TRHDE: variants seen among roughly 807,000 people sequenced by gnomAD.
TRHDE encodes the protein thyrotropin releasing hormone degrading enzyme.
In TRHDE, 72 loss-of-function variants were observed where a neutral mutation model predicts 125.7. The observed-to-expected ratio is 0.57, with a 90% CI of 0.47 to 0.70. The LOEUF is 0.70. TRHDE is among the 30% of genes least tolerant of loss of function. The pLI, the probability that TRHDE is intolerant of heterozygous loss-of-function variation, is 0.00. For missense variants in TRHDE, 1,110 were observed against 1,327.1 expected (o/e 0.84, Z 2.54); for synonymous variants, 509 against 509.1 (o/e 1.00, Z 0.00).
At chr12:72,618,147 T>C in intron 12 of TRHDE, among the ~76,000 whole-genome samples, 1 of 152,172 alleles carries the variant, frequency 6.6e-6, no homozygotes, top group East Asian at 1.9e-4. Context: ...ATAGTTCTTT[T>C]TGGCTCCTTT....
chr12:72,638,690 G>A (rs1027509758), intron 15 of TRHDE, among the ~76,000 whole-genome samples: 9 of 151,816 alleles, frequency 5.9e-5, no homozygotes, highest in African/African-American at 2.2e-4. Flanking sequence ...GCTCTTTTAG[G>A]GCAGGCCTGG....
intron 2 of TRHDE, among the ~76,000 whole-genome samples, chr12:72,373,730 GA>G (rs1047386055): frequency 6.6e-6 from 1 of 152,148 alleles, no homozygotes; most frequent in African/African-American, 2.4e-5. Context: ...CTATCTAGGG[GA>G]AAACTCAAAA....
intron 15 of TRHDE, among the ~76,000 whole-genome samples, chr12:72,640,370 C>T (rs1011355230): frequency 7.9e-5 from 12 of 152,224 alleles, no homozygotes; most frequent in Admixed American, 3.9e-4. Flanking sequence ...GGCTCGCGCA[C>T]GGTGCGTGCA....
chr12:72,088,203 C>A (rs1451794080), intron 1 of TRHDE, among the ~76,000 whole-genome samples: 1 of 152,076 alleles, frequency 6.6e-6, no homozygotes, highest in Non-Finnish European at 1.5e-5. Flanking sequence ...CAAATTAAAT[C>A]ATCTTCTAAG....
chr12:72,478,922 C>CAA (rs67346703), intron 5 of TRHDE, among the ~76,000 whole-genome samples: 1,129 of 106,000 alleles, frequency 0.011, 33 homozygotes, highest in East Asian at 0.021. Flanking sequence ...TTTTTTTTAG[C>CAA]AAAAAAAAAA....
chr12:72,178,446 A>G (rs1209016019), intron 2 of TRHDE, among the ~76,000 whole-genome samples: 13 of 152,134 alleles, frequency 8.5e-5, no homozygotes, highest in Non-Finnish European at 4.4e-5. Flanking sequence ...AATCTTGCGC[A>G]ATAGACCAAA....
At chr12:72,377,949 C>A in intron 2 of TRHDE, 46 bp from the exon 3 acceptor site, 1 of 1,377,792 alleles carries the variant, frequency 7.3e-7, no homozygotes, top group South Asian at 1.5e-5. Flanking sequence ...AGATAAAACT[C>A]AAGTGCTAAA....
chr12:72,512,474 A>T (rs1416610378), intron 6 of TRHDE, among the ~76,000 whole-genome samples: 2 of 139,462 alleles, frequency 1.4e-5, no homozygotes, highest in Admixed American at 1.5e-4. Flanking sequence ...TTATATAGTT[A>T]TAATTATATA....
chr12:72,214,951 T>C (rs1877854422), intron 2 of TRHDE, among the ~76,000 whole-genome samples: 3 of 152,324 alleles, frequency 2.0e-5, no homozygotes, highest in South Asian at 4.1e-4. Context: ...TCTTTTTCAC[T>C]TTTTAATTCC....
intron 1 of TRHDE, among the ~76,000 whole-genome samples, chr12:72,098,908 G>A (rs1022825668): frequency 6.6e-6 from 1 of 152,180 alleles, no homozygotes; most frequent in Admixed American, 6.5e-5. Flanking sequence ...GCTCACGTCT[G>A]TAATTCTAGC....
chr12:72,133,663 G>A (rs1444404060), intron 2 of TRHDE, among the ~76,000 whole-genome samples: 2 of 152,058 alleles, frequency 1.3e-5, no homozygotes, highest in African/African-American at 4.8e-5. Context: ...TCCATCACTG[G>A]GCCACTAGGT....
At chr12:72,360,206 C>A (rs1003483264) in intron 2 of TRHDE, among the ~76,000 whole-genome samples, 1 of 151,656 alleles carries the variant, frequency 6.6e-6, no homozygotes, top group South Asian at 2.1e-4. Context: ...TAAAAAGACC[C>A]AGAAAGTACA....
chr12:72,140,149 T>C (rs1304993947), intron 2 of TRHDE: 2 of 152,202 alleles, frequency 1.3e-5, no homozygotes, highest in Non-Finnish European at 2.9e-5. Context: ...AGAGAATTAA[T>C]AAAGAGTCTG....
At chr12:72,192,139 T>A (rs1422265923) in intron 2 of TRHDE, among the ~76,000 whole-genome samples, 1 of 152,110 alleles carries the variant, frequency 6.6e-6, no homozygotes, top group Non-Finnish European at 1.5e-5. Context: ...TCTTAGTGAT[T>A]TTATGTAATA....
chr12:72,628,140 C>T (rs1016018412), intron 15 of TRHDE, among the ~76,000 whole-genome samples: 31 of 151,968 alleles, frequency 2.0e-4, no homozygotes, highest in African/African-American at 7.5e-4. Flanking sequence ...CAATGATGAA[C>T]AAAAGAACAT....
chr12:72,520,109 G>T (rs1879107706), intron 6 of TRHDE, among the ~76,000 whole-genome samples: 1 of 152,226 alleles, frequency 6.6e-6, no homozygotes, highest in Non-Finnish European at 1.5e-5. Context: ...TCTGTGCCCT[G>T]CCCCCAGAGG....
intron 2 of TRHDE, among the ~76,000 whole-genome samples, chr12:72,370,774 G>A (rs1290624972): frequency 6.7e-6 from 1 of 149,412 alleles, no homozygotes; most frequent in Admixed American, 6.6e-5. Context: ...ATGGAGTCTT[G>A]CTCTGTCACC....
Position 72,258,812 on chromosome 12 carries a change from T to C in TRHDE, n.280-119183T>C, listed in dbSNP as rs1460262576. On this transcript the variant is annotated intron_variant and non_coding_transcript_variant, in intron 2 of 4. Coordinates refer to the TRHDE transcript ENST00000548156. ...ACATTTTCCAAGGTCAGTTATTCAA[T>C]AGAAGTTCTCCAAATTTCTGTTGTC... is the stretch of plus-strand genomic sequence containing the variant. Among the ~76,000 whole-genome samples, 8 of 152,310 alleles carry C rather than the reference T, an allele frequency of 5.3e-5. No individual in the cohort carries two copies. In the South Asian group the frequency reaches 1.4e-3, roughly 28 times the overall value.
At chr12:72,298,850 G>T (rs1880401191) in intron 2 of TRHDE, among the ~76,000 whole-genome samples, 1 of 152,200 alleles carries the variant, frequency 6.6e-6, no homozygotes, top group East Asian at 1.9e-4. Flanking sequence ...CTGTTTTCCT[G>T]TTTCATTAAG....
Sources: allele counts gnomAD v4.1 joint callset (sites outside exome capture counted in the v4.1 genomes callset), GRCh38; gene constraint gnomAD v4.1.1; transcripts MANE v1.5; gene names NCBI Gene and HGNC (gene_info 2026-07-23, HGNC 2026-07-21).